ARHGAP10: variants seen among roughly 807,000 people sequenced by gnomAD.
ARHGAP10 encodes rho GTPase-activating protein 10.
A neutral mutation model predicts 108.6 loss-of-function variants in ARHGAP10; 87 were observed. That is an observed-to-expected ratio of 0.80 (90% CI 0.67 to 0.96). The LOEUF (loss-of-function observed/expected upper bound fraction) is 0.96, where lower values mean the gene tolerates loss of function less well. Among genes scored for constraint, ARHGAP10 ranks in the 40% least tolerant of loss-of-function variants. The pLI, the probability that ARHGAP10 is intolerant of heterozygous loss-of-function variation, is 0.00. For missense variants in ARHGAP10, 939 were observed against 954.5 expected (o/e 0.98, Z 0.21); for synonymous variants, 347 against 341.1 (o/e 1.02, Z -0.19).
intron 1 of ARHGAP10, among the ~76,000 whole-genome samples, chr4:147,757,016 TGAGAGCGA>T (rs1729402246): frequency 6.7e-6 from 1 of 149,070 alleles, no homozygotes; most frequent in Non-Finnish European, 1.5e-5. Context: ...GCAGAGAGAG[TGAGAGCGA>T]GAGAGAGAGA....
At chr4:147,824,579 C>T (rs959244272) in intron 3 of ARHGAP10, among the ~76,000 whole-genome samples, 1 of 152,048 alleles carries the variant, frequency 6.6e-6, no homozygotes, top group African/African-American at 2.4e-5. Flanking sequence ...CTGGGGAGGC[C>T]TCGGGAAACT....
chr4:147,978,407 CCACTCAAA>C (rs1294881241), intron 18 of ARHGAP10, among the ~76,000 whole-genome samples: 1 of 152,056 alleles, frequency 6.6e-6, no homozygotes, highest in African/African-American at 2.4e-5. Flanking sequence ...CTCTGTGTCC[CCACTCAAA>C]TCTCATGTTG....
chr4:147,912,548 A>T (rs1429341000), intron 12 of ARHGAP10, among the ~76,000 whole-genome samples: 2 of 120,330 alleles, frequency 1.7e-5, no homozygotes, highest in African/African-American at 7.6e-5. Context: ...CAAACAAACA[A>T]ATATATATAT....
At chr4:148,017,864 A>C (rs1741410383) in intron 18 of ARHGAP10, among the ~76,000 whole-genome samples, 1 of 152,078 alleles carries the variant, frequency 6.6e-6, no homozygotes, top group Non-Finnish European at 1.5e-5. Context: ...TTCTGGCAGA[A>C]GTGGTGTAGT....
intron 22 of ARHGAP10, 35 bp downstream of exon 22, chr4:148,064,542 GTC>G: frequency 6.4e-7 from 1 of 1,573,386 alleles, no homozygotes; most frequent in Non-Finnish European, 8.7e-7. Context: ...TGTTAATCCT[GTC>G]CGCAGGATTA....
chr4:147,844,257 A>G (rs1380741654), intron 3 of ARHGAP10, among the ~76,000 whole-genome samples: 2 of 152,114 alleles, frequency 1.3e-5, no homozygotes, highest in Non-Finnish European at 2.9e-5. Context: ...AGATATTTTG[A>G]TAGAGGCGTG....
chr4:147,860,495 T>C (rs4835102), intron 5 of ARHGAP10, among the ~76,000 whole-genome samples: 143,328 of 152,286 alleles, frequency 0.94, 67,988 homozygotes, highest in Non-Finnish European at 1. Flanking sequence ...TTGTGGCATA[T>C]ACCATGCTGG....
At chr4:147,771,635 T>G (rs1730086751) in intron 1 of ARHGAP10, among the ~76,000 whole-genome samples, 1 of 152,212 alleles carries the variant, frequency 6.6e-6, no homozygotes, top group African/African-American at 2.4e-5. Flanking sequence ...TGCATAATGT[T>G]AGCTTTCTCC....
intron 3 of ARHGAP10, among the ~76,000 whole-genome samples, chr4:147,834,777 C>T (rs986328104): frequency 6.0e-5 from 9 of 150,204 alleles, no homozygotes; most frequent in African/African-American, 2.0e-4. Context: ...CACACCCACC[C>T]ATCCGGCTTG....
intron 13 of ARHGAP10, among the ~76,000 whole-genome samples, chr4:147,938,650 T>C (rs1738045068): frequency 6.6e-6 from 1 of 152,196 alleles, no homozygotes; most frequent in Non-Finnish European, 1.5e-5. Flanking sequence ...CTAGTATTCT[T>C]TTCATCACTC....
intron 1 of ARHGAP10, among the ~76,000 whole-genome samples, chr4:147,733,055 C>A (rs1157274399): frequency 6.6e-6 from 1 of 152,114 alleles, no homozygotes; most frequent in African/African-American, 2.4e-5. Flanking sequence ...CACATTCCTC[C>A]CCTGCCGTGC....
intron 3 of ARHGAP10, among the ~76,000 whole-genome samples, chr4:147,833,557 T>G (rs943417672): frequency 3.3e-5 from 5 of 152,214 alleles, no homozygotes; most frequent in Non-Finnish European, 7.3e-5. Context: ...TTTTGATGAC[T>G]GAGATGAAAA....
chr4:147,899,321 GTGCATGCGTGTGTGTGTGTGTGTC>G (rs1013035341), intron 10 of ARHGAP10, among the ~76,000 whole-genome samples: 3 of 151,908 alleles, frequency 2.0e-5, no homozygotes, highest in African/African-American at 7.3e-5. Context: ...GTGTGTGTGT[GTGCATGCGTGTGTGTGTGTGTGTC>G]TGTGTCTGTG....
At chr4:147,800,432 C>T (rs1004746674) in intron 1 of ARHGAP10, among the ~76,000 whole-genome samples, 3 of 152,110 alleles carry the variant, frequency 2.0e-5, no homozygotes, top group Non-Finnish European at 2.9e-5. Context: ...TTGCATATGT[C>T]GAGGCTCCCC....
At chr4:147,970,009 G>C (rs568315274) in intron 18 of ARHGAP10, among the ~76,000 whole-genome samples, 59 of 152,252 alleles carry the variant, frequency 3.9e-4, no homozygotes, top group African/African-American at 1.4e-3. Flanking sequence ...GGAGATGGGG[G>C]ATGTCAGTTT....
intron 14 of ARHGAP10, among the ~76,000 whole-genome samples, chr4:147,945,057 G>A (rs543145074): frequency 7.2e-5 from 11 of 152,210 alleles, no homozygotes; most frequent in African/African-American, 1.9e-4. Flanking sequence ...TTTGCAACTC[G>A]CTTGTGGTGG....
intron 18 of ARHGAP10, among the ~76,000 whole-genome samples, chr4:148,003,641 G>T (rs1308919471): frequency 1.3e-5 from 2 of 152,184 alleles, no homozygotes; most frequent in African/African-American, 4.8e-5. Flanking sequence ...TCTTCTTGTT[G>T]AATTGATCCC....
rs556074356 is a variant in ARHGAP10, at chr4:147,876,050, G to A, written c.832+900G>A. 9.9e-5 allele frequency among the ~76,000 whole-genome samples: 15 copies of A among 152,174 alleles called. No individual in the cohort carries two copies. The South Asian group carries it at 2.7e-3, about 27-fold the overall frequency. ...GGCTGATTTACAGGACTTTCAATCC[G>A]ACCTAAAAATTTAGTGGTAGACATG... On this transcript the variant is annotated intron_variant, in intron 8 of 22. Coordinates refer to ENST00000336498, the MANE Select transcript of ARHGAP10 (RefSeq NM_024605.4).
intron 18 of ARHGAP10, among the ~76,000 whole-genome samples, chr4:147,996,292 A>AGG (rs1740476491): frequency 1.3e-5 from 2 of 152,246 alleles, no homozygotes; most frequent in Non-Finnish European, 1.5e-5. Flanking sequence ...CGAAAACAAA[A>AGG]CATCAAAATG....
Sources: allele counts gnomAD v4.1 joint callset (sites outside exome capture counted in the v4.1 genomes callset), GRCh38; gene constraint gnomAD v4.1.1; transcripts MANE v1.5; gene names NCBI Gene and HGNC (gene_info 2026-07-23, HGNC 2026-07-21).